VDAC1: variants seen among roughly 807,000 people sequenced by gnomAD.
VDAC1 encodes the protein voltage dependent anion channel 1, also known as non-selective voltage-gated ion channel VDAC1.
Under a neutral mutation model 34.7 loss-of-function variants are expected in VDAC1, and 10 were observed. The observed-to-expected ratio is 0.29, with a 90% CI of 0.18 to 0.49. The LOEUF is 0.49. Among genes scored for constraint, VDAC1 ranks in the 20% least tolerant of loss-of-function variants. The pLI is 0.99. For synonymous variants in VDAC1, 130 were observed against 136.0 expected, an observed-to-expected ratio of 0.96 and a Z score of 0.30; for missense variants, 230 against 347.9, an observed-to-expected ratio of 0.66 and a Z score of 2.69.
chr5:134,040,626 C>G, the VDAC1 span, among the ~76,000 whole-genome samples: 23,664 of 151,838 alleles, frequency 0.16, 2,733 homozygotes, highest in African/African-American at 0.32. Context: ...TGGAGGCAGG[C>G]TGAGGCAGGA....
At chr5:134,007,980 G>C (rs1753782815), upstream of VDAC1, among the ~76,000 whole-genome samples, 1 of 152,150 alleles carries the variant, frequency 6.6e-6, no homozygotes, top group African/African-American at 2.4e-5. Flanking sequence ...GTTTTTCTCT[G>C]GGCGAATGAC....
At chr5:134,000,391 C>A (rs1753499768) in intron 1 of VDAC1, among the ~76,000 whole-genome samples, 1 of 152,220 alleles carries the variant, frequency 6.6e-6, no homozygotes, top group Admixed American at 6.5e-5. Flanking sequence ...AGCTCCTGGG[C>A]TCAAGAGGTT....
At chr5:134,066,090 G>A in the VDAC1 span, among the ~76,000 whole-genome samples, 1 of 151,978 alleles carries the variant, frequency 6.6e-6, no homozygotes, top group African/African-American at 2.4e-5. Flanking sequence ...ACCGCGCCTG[G>A]TCGATAGTAA....
chr5:134,089,510 G>A, the VDAC1 span, among the ~76,000 whole-genome samples: 1 of 152,178 alleles, frequency 6.6e-6, no homozygotes, highest in African/African-American at 2.4e-5. Context: ...TAGGATATTG[G>A]AAGAAACATT....
intron 1 of VDAC1, among the ~76,000 whole-genome samples, chr5:134,002,322 T>G (rs1360999231): frequency 1.3e-5 from 2 of 152,068 alleles, no homozygotes; most frequent in Admixed American, 1.3e-4. Flanking sequence ...CACTCTAGAA[T>G]AGCAAAAATA....
the VDAC1 span, among the ~76,000 whole-genome samples, chr5:134,106,338 C>G: frequency 2.0e-5 from 3 of 151,972 alleles, no homozygotes; most frequent in South Asian, 6.2e-4. Flanking sequence ...GGACCACAAA[C>G]TCTTCCAACT....
chr5:134,027,446 C>A, the VDAC1 span, among the ~76,000 whole-genome samples: 2 of 152,158 alleles, frequency 1.3e-5, no homozygotes, highest in African/African-American at 4.8e-5. Context: ...CCCCTCCCTG[C>A]CTTCCTTCCA....
At chr5:134,019,186 C>CA in the VDAC1 span, among the ~76,000 whole-genome samples, 17 of 150,452 alleles carry the variant, frequency 1.1e-4, no homozygotes, top group East Asian at 1.2e-3. Context: ...AACAAGCAAA[C>CA]AAAAAAAAAC....
At chr5:134,081,118 A>G in the VDAC1 span, among the ~76,000 whole-genome samples, 3 of 151,262 alleles carry the variant, frequency 2.0e-5, no homozygotes, top group Non-Finnish European at 2.9e-5. Flanking sequence ...GCTTACTGCA[A>G]CCTCTGCCTC....
In VDAC1 at chr5:133,981,111, TGAGCAG is replaced by T. The variant is rs368464016; in HGVS notation, c.324-161_324-156del. The T allele has an allele frequency of 9.3e-4, 588 of 629,356 alleles. 3 individuals carry two copies. The African/African-American group carries it at 1.0e-2, about 11-fold the overall frequency. The allele number at this position is 629,356 out of a possible 1,614,324, so 39.0% of individuals were successfully genotyped here. A position where few individuals can be genotyped will look rare whatever the true frequency, so the allele number is the denominator to read the frequency against. ...CCCTTAAGCCACTGCTGTACCACAA[TGAGCAG>T]GACACAACCTCTCTTCCACAGGGAC... On this transcript the variant is annotated intron_variant, in intron 5 of 8. Transcript: ENST00000265333.
intron 8 of VDAC1, among the ~76,000 whole-genome samples, chr5:133,973,319 G>A (rs2126887757): frequency 6.6e-6 from 1 of 152,334 alleles, no homozygotes; most frequent in Middle Eastern, 3.4e-3. Flanking sequence ...GGAATAACCT[G>A]ATTCAGGGAG....
At chr5:134,047,273 T>G in the VDAC1 span, among the ~76,000 whole-genome samples, 169 of 150,912 alleles carry the variant, frequency 1.1e-3, no homozygotes, top group Non-Finnish European at 1.1e-3. Context: ...TAATAAAAGG[T>G]TGGGTGTCAA....
the VDAC1 span, among the ~76,000 whole-genome samples, chr5:134,036,539 C>A: frequency 1.3e-5 from 2 of 151,944 alleles, no homozygotes; most frequent in African/African-American, 2.4e-5. Context: ...ATTAGTAGGT[C>A]AAGTGCACTT....
At chr5:134,009,674 G>T (rs1028821927), upstream of VDAC1, among the ~76,000 whole-genome samples, 19 of 151,458 alleles carry the variant, frequency 1.3e-4, no homozygotes, top group African/African-American at 4.6e-4. Flanking sequence ...TCTTTTGTTT[G>T]TTTGTTTTGT....
chr5:134,051,354 C>A, the VDAC1 span, among the ~76,000 whole-genome samples: 9 of 152,344 alleles, frequency 5.9e-5, no homozygotes, highest in East Asian at 1.5e-3. Context: ...GAAGAAGGCG[C>A]CTTGGGATGC....
the VDAC1 span, among the ~76,000 whole-genome samples, chr5:134,094,742 C>A: frequency 6.6e-6 from 1 of 150,548 alleles, no homozygotes; most frequent in Non-Finnish European, 1.5e-5. Context: ...GGGGCAGCTG[C>A]CTTTGTGCTC....
intron 5 of VDAC1, chr5:133,989,027 C>T (rs1250377710): frequency 3.9e-5 from 6 of 152,212 alleles, no homozygotes; most frequent in South Asian, 2.1e-4. Flanking sequence ...GGAGAGTGCA[C>T]AGCACTGCAA....
chr5:134,035,885 A>T, the VDAC1 span, among the ~76,000 whole-genome samples: 1 of 151,932 alleles, frequency 6.6e-6, no homozygotes. Flanking sequence ...AGGTGCCTGA[A>T]ATCCGAGCTA....
At chr5:134,084,872 C>T in the VDAC1 span, among the ~76,000 whole-genome samples, 1 of 152,194 alleles carries the variant, frequency 6.6e-6, no homozygotes, top group African/African-American at 2.4e-5. Flanking sequence ...CTGGCATTTT[C>T]CTGATGAAGA....
Sources: allele counts gnomAD v4.1 joint callset (sites outside exome capture counted in the v4.1 genomes callset), GRCh38; gene constraint gnomAD v4.1.1; transcripts MANE v1.5; gene names NCBI Gene and HGNC (gene_info 2026-07-23, HGNC 2026-07-21).